The following VARS2 variants were observed in gnomAD, a reference collection of about 807,000 sequenced individuals.
VARS2 encodes valine--tRNA ligase, mitochondrial.
Under a neutral mutation model 154.1 loss-of-function variants are expected in VARS2, and 105 were observed. The ratio of observed to expected loss-of-function variants is 0.68; its 90% CI spans 0.58 to 0.80. The LOEUF (loss-of-function observed/expected upper bound fraction) is 0.80. Ranked by LOEUF, VARS2 falls within the 30% of genes least tolerant of loss-of-function variation. The pLI, the probability that VARS2 is intolerant of heterozygous loss-of-function variation, is 0.00. For synonymous variants in VARS2, 483 were observed against 539.5 expected (o/e 0.90, Z 1.45); for missense variants, 1,157 against 1,361.4 (o/e 0.85, Z 2.36).
Position 30,924,492 on chromosome 6 carries a change from C to T in VARS2, c.2605C>T (p.Pro869Ser), listed in dbSNP as rs781529737. The T allele has an allele frequency of 5.0e-6, 8 of 1,602,440 alleles. No homozygotes were observed. The highest frequency in any genetic ancestry group is 6.0e-6 in the Non-Finnish European group (7 of 1,172,166). ...FLAEELWQRL[P>S]PRPGCPPAPS... is the part of the protein sequence containing the mutation. The stretch of plus-strand genomic sequence containing the variant: ...GGCTGAAGAGCTCTGGCAGAGGCTG[C>T]CCCCCAGGCCTGGTTGCCCCCCTGC... Residue 869 changes from proline to serine, a missense_variant, in exon 26 of 30, where the codon CCC becomes TCC. Physicochemically the swap from Pro to Ser is moderately conservative, Grantham distance 74 (BLOSUM62 -1). Coordinates refer to ENST00000676266, the MANE Select transcript of VARS2 (RefSeq NM_020442.6).
rs1445807948 is a variant in VARS2, at chr6:30,916,179, G to C, written c.601G>C (p.Glu201Gln). ...QAVVEKQLWK[E>Q]RGVRRHELSR... ...TGTGGTGGAGAAACAACTGTGGAAG[G>C]AACGGGGAGTGAGGAGACATGAGCT... Residue 201 changes from glutamate (E) to glutamine (Q), a missense_variant, in exon 7 of 30, where the codon GAA becomes CAA. Transcript: ENST00000676266. This position sits in a 1 kb window ranked among gnomAD's most constrained non-coding sequence, Gnocchi z 4.0. 1 of 1,614,022 alleles carries C rather than the reference G, an allele frequency of 6.2e-7. No homozygotes were observed. Among genetic ancestry groups the C allele is most frequent in the Non-Finnish European group, 8.5e-7 (1 of 1,179,944 alleles).
In VARS2 at chr6:30,924,276, C is replaced by T. The variant is rs890719807; in HGVS notation, c.2467-78C>T. The T allele has an allele frequency of 3.3e-5, 49 of 1,504,024 alleles. No homozygotes were observed. In the Admixed American group the frequency reaches 6.0e-4, roughly 19 times the overall value. The allele number at this position is 1,504,024 out of a possible 1,614,324, so 93.2% of individuals were successfully genotyped here. A position where few individuals can be genotyped will look rare whatever the true frequency, so the allele number is the denominator to read the frequency against. ...CTCTCCCAGGACCCATGGCCTGCCC[C>T]ACTGGCGGGTAGCAGTGGCTGTAGG... is the stretch of plus-strand genomic sequence containing the variant. On this transcript the variant is annotated intron_variant, in intron 25 of 29. Transcript: ENST00000676266.
intron 11 of VARS2, 60 bp downstream of exon 11, chr6:30,918,975 G>A: frequency 6.6e-7 from 1 of 1,506,590 alleles, no homozygotes; most frequent in Non-Finnish European, 9.2e-7. Context: ...CTCTTCTCTT[G>A]GGTTTTAAAT....
At chr6:30,914,434 G>T in intron 1 of VARS2, 90 bp downstream of exon 1, 1 of 1,271,584 alleles carries the variant, frequency 7.9e-7, no homozygotes, top group South Asian at 3.0e-5. Context: ...GCTTGGCCGC[G>T]CCGGGCTGTG....
Position 30,922,792 on chromosome 6 carries a change from G to T in VARS2, c.2106+18G>T, listed in dbSNP as rs753726. 0.33 allele frequency: 533,281 copies of T among 1,597,770 alleles called. 92,694 individuals carry two copies. Among genetic ancestry groups the T allele is most frequent in the Non-Finnish European group, 0.36 (418,726 of 1,169,456 alleles). Reference sequence around the variant, plus strand: ...CAGCACAGGTGAGTCATCGCTGCCTGCCCCCCACCAGCTCTAGCTCACCAC... The same window carrying T: ...CAGCACAGGTGAGTCATCGCTGCCTTCCCCCCACCAGCTCTAGCTCACCAC... On this transcript the variant is annotated intron_variant, in intron 22 of 29. Transcript: ENST00000676266.
At position 30,920,730 on chromosome 6, in the gene VARS2, TGGG is replaced by T. The variant is rs1554268077; in HGVS notation, c.1463_1465del (p.Gly488del). ...CAGTGGTTTGTCCGCTGCCAGGAAA[TGGG>T]GGCCCGAGCTGCCAAGGTGAGGCTG... On this transcript the variant is annotated inframe_deletion, in exon 15 of 30. Transcript: ENST00000676266. The surrounding 1 kb of genome is among the most constrained non-coding windows in gnomAD (Gnocchi z 4.6). 1 of 1,599,090 alleles carries T rather than the reference TGGG, an allele frequency of 6.3e-7. No individual in the cohort carries two copies. The highest frequency in any genetic ancestry group is 8.5e-7 in the Non-Finnish European group (1 of 1,173,678).
rs887381 is a variant in VARS2, at chr6:30,922,429, T to C, written c.1933-21T>C. The C allele has an allele frequency of 0.33, 537,167 of 1,609,390 alleles. 93,365 individuals carry two copies. Among genetic ancestry groups the C allele is most frequent in the Non-Finnish European group, 0.36 (421,892 of 1,178,140 alleles). On this transcript the variant is annotated intron_variant, in intron 20 of 29. Transcript: ENST00000676266. ...GCACCTCCAAGGAAACCCCCCTCTG[T>C]TGACCCCTCCCTGCCCCCAGGTGCT...
rs1341427345 is a variant in VARS2, at chr6:30,916,441, C to G, written c.671+192C>G. The G allele has an allele frequency of 9.4e-5, 49 of 518,584 alleles. No individual in the cohort carries two copies. The Admixed American group carries it at 1.8e-3, about 19-fold the overall frequency. The allele number at this position is 518,584 out of a possible 1,614,324, so 32.1% of individuals were successfully genotyped here. On this transcript the variant is annotated intron_variant, in intron 7 of 29. Transcript: ENST00000676266. This position sits in a 1 kb window ranked among gnomAD's most constrained non-coding sequence, Gnocchi z 4.0. The stretch of plus-strand genomic sequence containing the variant: ...CTTATGTGTGTGGATATTATATATG[C>G]ATTAGAATATTCGTGTGTGTGTGTG...
intron 19 of VARS2, 43 bp downstream of exon 19, chr6:30,922,038 G>A (rs746749345): frequency 1.2e-6 from 2 of 1,612,834 alleles, no homozygotes; most frequent in Non-Finnish European, 1.7e-6. Context: ...GAAACGATAA[G>A]GAAGGGATGG....
In VARS2 at chr6:30,925,971, C is replaced by A. The variant is rs755655699; in HGVS notation, c.3053C>A (p.Pro1018Gln). The A allele has an allele frequency of 6.2e-7, 1 of 1,613,062 alleles. No homozygotes were observed. The highest frequency in any genetic ancestry group is 8.5e-7 in the Non-Finnish European group (1 of 1,180,018). Residue 1018 changes from proline to glutamine, a missense_variant, in exon 29 of 30, where the codon CCA becomes CAA. Physicochemically the swap from Pro to Gln is moderately conservative, Grantham distance 76 (BLOSUM62 -1). Transcript: ENST00000676266. Reference sequence around the variant, plus strand: ...CTTGACAGCCTCACAGCCAGGACCCCATCAGAAGGGGAGGCAGGGACTCAG... The same window carrying A: ...CTTGACAGCCTCACAGCCAGGACCCAATCAGAAGGGGAGGCAGGGACTCAG... ...KQLDSLTARTPSEGEAGTQRQ... is the reference protein window; with the variant it reads ...KQLDSLTARTQSEGEAGTQRQ...
rs1301995383 is a variant in VARS2 at position 30,916,477 on chromosome 6, T to C, written c.671+228T>C. The C allele has an allele frequency of 6.9e-6, 2 of 290,516 alleles. No individual in the cohort carries two copies. Among genetic ancestry groups the C allele is most frequent in the African/African-American group, 2.9e-5 (1 of 34,862 alleles). 18.0% of individuals were successfully genotyped at this position (290,516 alleles called of 1,614,324 possible). Reference sequence around the variant, plus strand: ...TCGTGTGTGTGTGTGTGTGTGTGTGTATTTATATATATATATATATTTTCT... The same window carrying C: ...TCGTGTGTGTGTGTGTGTGTGTGTGCATTTATATATATATATATATTTTCT... On this transcript the variant is annotated intron_variant, in intron 7 of 29. Transcript: ENST00000676266. The surrounding 1 kb of genome is among the most constrained non-coding windows in gnomAD (Gnocchi z 4.0).
rs1426628458 is a variant in VARS2, at chr6:30,917,715, T to C, written c.894T>C (p.Pro298=). Residue 298 remains proline (P), a synonymous_variant, in exon 10 of 30, where the codon CCT becomes CCC. Coordinates refer to ENST00000676266, the MANE Select transcript of VARS2 (RefSeq NM_020442.6). The surrounding 1 kb of genome is among the most constrained non-coding windows in gnomAD (Gnocchi z 4.4). The stretch of plus-strand genomic sequence containing the variant: ...TCCAGGTGGAGAACCGGCCCCTGCC[T>C]GGCCACACACAGCTTCGACTGCCTG... The part of the protein sequence containing the change: ...SDIEVENRPL[P]GHTQLRLPGC... 1 of 1,564,028 alleles carries C rather than the reference T, an allele frequency of 6.4e-7. No homozygotes were observed. The highest frequency in any genetic ancestry group is 8.7e-7 in the Non-Finnish European group (1 of 1,153,808).
Position 30,920,010 on chromosome 6 carries a change from G to GGTGCAGGTGATGGGGCA in VARS2, c.1166-67_1166-66insGGGCAGTGCAGGTGATG, listed in dbSNP as rs1794406018. ...CAGAGAAAGTCGCAGGGGCTGGGGC[G>GGTGCAGGTGATGGGGCA]GTGCAGGTGATGATGATACATCTGG... On this transcript the variant is annotated intron_variant, in intron 12 of 29. Transcript: ENST00000676266. This position sits in a 1 kb window ranked among gnomAD's most constrained non-coding sequence, Gnocchi z 4.6. 4 of 1,501,938 alleles carry GGTGCAGGTGATGGGGCA rather than the reference G, an allele frequency of 2.7e-6. No individual in the cohort carries two copies. In the South Asian group the frequency reaches 4.1e-5, roughly 15 times the overall value. The allele number at this position is 1,501,938 out of a possible 1,614,324, so 93.0% of individuals were successfully genotyped here. A position where few individuals can be genotyped will look rare whatever the true frequency, so the allele number is the denominator to read the frequency against.
In VARS2 at chr6:30,916,175, G is replaced by T. The variant is rs949180643; in HGVS notation, c.597G>T (p.Trp199Cys). The change falls in exon 7 of 30, where the codon TGG becomes TGT. Residue 199 changes from tryptophan (W) to cysteine (C), a missense_variant. Physicochemically the swap from Trp to Cys is radical, Grantham distance 215. Coordinates refer to ENST00000676266, the MANE Select transcript of VARS2 (RefSeq NM_020442.6). The surrounding 1 kb of genome is among the most constrained non-coding windows in gnomAD (Gnocchi z 4.0). ...ATQAVVEKQLWKERGVRRHEL... is the reference protein window; with the variant it reads ...ATQAVVEKQLCKERGVRRHEL... ...AGGCTGTGGTGGAGAAACAACTGTG[G>T]AAGGAACGGGGAGTGAGGAGACATG... The T allele has an allele frequency of 4.3e-6, 7 of 1,613,908 alleles. No homozygotes were observed. The highest frequency in any genetic ancestry group is 5.9e-6 in the Non-Finnish European group (7 of 1,179,932).
At position 30,920,264 on chromosome 6, in the gene VARS2, CT is replaced by C. The variant is rs766766219; in HGVS notation, c.1293+49del. On this transcript the variant is annotated intron_variant, in intron 13 of 29. Transcript: ENST00000676266. The surrounding 1 kb of genome is among the most constrained non-coding windows in gnomAD (Gnocchi z 4.6). ...CATCCTTTGGGGGCTCTCTGTCCCCCTAATCCTCCTCCTAGTTTCTTATTTC... is the reference window on the plus strand; with the variant it reads ...CATCCTTTGGGGGCTCTCTGTCCCCCAATCCTCCTCCTAGTTTCTTATTTC... The C allele has an allele frequency of 7.0e-6, 11 of 1,566,404 alleles. No homozygotes were observed. The South Asian group carries it at 1.2e-4, about 17-fold the overall frequency.
rs2150553992 is a variant in VARS2, at chr6:30,917,572, C to G, written c.874-123C>G. On this transcript the variant is annotated intron_variant, in intron 9 of 29. Transcript: ENST00000676266. This position sits in a 1 kb window ranked among gnomAD's most constrained non-coding sequence, Gnocchi z 4.4. ...GGGCAGAGGGAGGTAGCTCCCGAAT[C>G]CTCCAAATGGCTTTTAGATGGATTG... The G allele has an allele frequency of 1.1e-6, 1 of 931,062 alleles. No individual in the cohort carries two copies. Among genetic ancestry groups the G allele is most frequent in the African/African-American group, 1.7e-5 (1 of 59,884 alleles). 57.7% of individuals were successfully genotyped at this position (931,062 alleles called of 1,614,324 possible).
At chr6:30,926,040 AC>A in intron 29 of VARS2, 32 bp downstream of exon 29, 6 of 1,612,900 alleles carry the variant, frequency 3.7e-6, no homozygotes, top group Non-Finnish European at 4.2e-6. Flanking sequence ...AGAAGGCTCC[AC>A]CCCTGAGGGA....
chr6:30,915,721 C>T (rs761533764), intron 4 of VARS2, 25 bp from the exon 5 acceptor site: 5 of 1,612,136 alleles, frequency 3.1e-6, no homozygotes, highest in Non-Finnish European at 4.2e-6. Context: ...CTCTCTTGCC[C>T]CTTTGACTTT....
rs911546103 is a variant in VARS2, at chr6:30,916,819, G to C, written c.672-59G>C. The C allele has an allele frequency of 3.6e-5, 57 of 1,576,098 alleles. No individual in the cohort carries two copies. Among genetic ancestry groups the C allele is most frequent in the African/African-American group, 5.4e-5 (4 of 74,068 alleles). On this transcript the variant is annotated intron_variant, in intron 7 of 29. Transcript: ENST00000676266. The surrounding 1 kb of genome is among the most constrained non-coding windows in gnomAD (Gnocchi z 4.0). ...CTGGCATTGCTGGGGGCATCGCTGG[G>C]CCTGGTACATAGGAAGTGCTTGGGA...
Sources: gnomAD v4.1 joint callset for allele counts on GRCh38, gnomAD v4.1.1 for gene constraint, Gnocchi (gnomAD v3.1) non-coding constraint, MANE v1.5 for transcripts, NCBI Gene and HGNC (gene_info 2026-07-23, HGNC 2026-07-21) for gene names.